TMEM163: variants seen among roughly 807,000 people sequenced by gnomAD.
TMEM163 encodes the protein transmembrane protein 163.
TMEM163 carries 17 observed loss-of-function variants against 29.3 expected under a neutral mutation model. The observed-to-expected ratio is 0.58, with a 90% confidence interval of 0.40 to 0.87. TMEM163 has a LOEUF of 0.87. Among genes scored for constraint, TMEM163 ranks in the 40% least tolerant of loss-of-function variants. The pLI is 0.00. For synonymous variants in TMEM163, 157 were observed against 160.6 expected (o/e 0.98, Z 0.17); for missense variants, 303 against 381.5 (o/e 0.79, Z 1.71).
chr2:134,649,404 G>T (rs1683414970), intron 2 of TMEM163, among the ~76,000 whole-genome samples: 1 of 152,158 alleles, frequency 6.6e-6, no homozygotes, highest in Non-Finnish European at 1.5e-5. Context: ...CTAATGCATT[G>T]GAAATGTTTA....
At chr2:134,548,725 T>C (rs916107378) in intron 4 of TMEM163, among the ~76,000 whole-genome samples, 1 of 152,218 alleles carries the variant, frequency 6.6e-6, no homozygotes, top group African/African-American at 2.4e-5. Context: ...ATGAGATATA[T>C]TGGGGATGGA....
At chr2:134,599,773 T>A (rs542004891) in intron 2 of TMEM163, among the ~76,000 whole-genome samples, 47 of 147,152 alleles carry the variant, frequency 3.2e-4, no homozygotes, top group Admixed American at 2.8e-3. Flanking sequence ...GCTCAAGCAA[T>A]CCACCCACCT....
At chr2:134,540,597 T>C (rs1345922863) in intron 4 of TMEM163, among the ~76,000 whole-genome samples, 1 of 152,158 alleles carries the variant, frequency 6.6e-6, no homozygotes, top group Non-Finnish European at 1.5e-5. Flanking sequence ...CAAATGACCA[T>C]TTGGAGAGAT....
intron 5 of TMEM163, among the ~76,000 whole-genome samples, chr2:134,492,036 A>G (rs1191287883): frequency 6.6e-6 from 1 of 152,218 alleles, no homozygotes; most frequent in African/African-American, 2.4e-5. Context: ...GTTTCTGGCA[A>G]CTGCATGAGA....
chr2:134,709,593 T>C (rs1684884733), intron 2 of TMEM163, among the ~76,000 whole-genome samples: 1 of 152,332 alleles, frequency 6.6e-6, no homozygotes, highest in East Asian at 1.9e-4. Flanking sequence ...TGGAAGCTTA[T>C]AGGAGATGAA....
intron 4 of TMEM163, among the ~76,000 whole-genome samples, chr2:134,548,872 G>T (rs899693193): frequency 4.6e-5 from 7 of 152,148 alleles, no homozygotes; most frequent in African/African-American, 1.7e-4. Context: ...CATGAGGTCA[G>T]GTGAGGAATT....
chr2:134,549,656 T>C (rs1326469705), intron 4 of TMEM163, among the ~76,000 whole-genome samples: 1 of 152,172 alleles, frequency 6.6e-6, no homozygotes, highest in Non-Finnish European at 1.5e-5. Context: ...AAGAGTACTT[T>C]CCATCTGGAT....
chr2:134,491,072 G>C (rs1679418354), intron 5 of TMEM163, among the ~76,000 whole-genome samples: 1 of 152,182 alleles, frequency 6.6e-6, no homozygotes, highest in Non-Finnish European at 1.5e-5. Flanking sequence ...CAGAGAGAAA[G>C]AAGAGCTAAG....
chr2:134,576,190 C>T (rs761966979), intron 2 of TMEM163, among the ~76,000 whole-genome samples: 10 of 151,876 alleles, frequency 6.6e-5, no homozygotes, highest in African/African-American at 1.5e-4. Context: ...ATTGAGGGGA[C>T]GTGAGGATTC....
chr2:134,515,892 G>T (rs533075285), intron 4 of TMEM163, among the ~76,000 whole-genome samples: 1 of 152,122 alleles, frequency 6.6e-6, no homozygotes, highest in Non-Finnish European at 1.5e-5. Flanking sequence ...GTCTTCTCCA[G>T]CTACATCACT....
intron 7 of TMEM163, among the ~76,000 whole-genome samples, 181 bp downstream of exon 7, chr2:134,457,851 C>A (rs1050812228): frequency 6.6e-6 from 1 of 152,212 alleles, no homozygotes; most frequent in Non-Finnish European, 1.5e-5. Context: ...TCTGTGCCAG[C>A]CCCAAGGATA....
At chr2:134,697,135 A>G (rs185312167) in intron 2 of TMEM163, among the ~76,000 whole-genome samples, 21 of 152,230 alleles carry the variant, frequency 1.4e-4, no homozygotes, top group Non-Finnish European at 2.4e-4. Flanking sequence ...ATATCTATAA[A>G]GCTCTATGTA....
At chr2:134,594,237 G>T (rs906391057) in intron 2 of TMEM163, among the ~76,000 whole-genome samples, 9 of 151,440 alleles carry the variant, frequency 5.9e-5, no homozygotes, top group African/African-American at 2.2e-4. Context: ...GGAGAGACAG[G>T]GGGAGAGAAA....
intron 2 of TMEM163, among the ~76,000 whole-genome samples, chr2:134,570,161 GA>G (rs143676498): frequency 1.0e-4 from 15 of 148,678 alleles, no homozygotes; most frequent in South Asian, 2.1e-4. Context: ...AATAAGGAAA[GA>G]AAAAAAAAAT....
intron 4 of TMEM163, among the ~76,000 whole-genome samples, chr2:134,533,010 C>T (rs535676572): frequency 2.2e-4 from 33 of 152,232 alleles, no homozygotes; most frequent in African/African-American, 6.3e-4. Context: ...ACACTATGGA[C>T]GTTTAAACTC....
intron 2 of TMEM163, among the ~76,000 whole-genome samples, chr2:134,613,437 G>A (rs185662353): frequency 6.6e-6 from 1 of 152,186 alleles, no homozygotes; most frequent in African/African-American, 2.4e-5. Context: ...CAATAGAAAG[G>A]GTTCTGTAAC....
At chr2:134,472,437 C>A (rs533224840) in intron 5 of TMEM163, among the ~76,000 whole-genome samples, 1 of 152,284 alleles carries the variant, frequency 6.6e-6, no homozygotes, top group South Asian at 2.1e-4. Context: ...TAGTAAGATC[C>A]TTTTTATCTA....
At chr2:134,649,968 G>T (rs1391435903) in intron 2 of TMEM163, among the ~76,000 whole-genome samples, 1 of 137,536 alleles carries the variant, frequency 7.3e-6, no homozygotes, top group Non-Finnish European at 1.5e-5. Context: ...TCACACCACT[G>T]CACTCCAGCC....
At chr2:134,459,229 G>T (rs1412983452) in intron 6 of TMEM163, 3 of 152,294 alleles carry the variant, frequency 2.0e-5, no homozygotes, top group African/African-American at 7.2e-5. Context: ...ATCTACTCAG[G>T]ATCCAAGGCA....
Sources: gnomAD v4.1 joint callset for allele counts (sites outside exome capture counted in the v4.1 genomes callset) on GRCh38, gnomAD v4.1.1 for gene constraint, MANE v1.5 for transcripts, NCBI Gene and HGNC (gene_info 2026-07-23, HGNC 2026-07-21) for gene names.